TFDP2: variants seen among roughly 807,000 people sequenced by gnomAD.
TFDP2 encodes transcription factor Dp-2 (E2F dimerization partner 2).
TFDP2 carries 17 observed loss-of-function variants against 59.3 expected under a neutral mutation model. The observed-to-expected ratio is 0.29, with a 90% CI of 0.20 to 0.43. The LOEUF (loss-of-function observed/expected upper bound fraction) is 0.43, where lower values mean the gene tolerates loss of function less well. Among genes scored for constraint, TFDP2 ranks in the 20% least tolerant of loss-of-function variants. TFDP2 has a pLI of 1.00. For missense variants in TFDP2, 391 were observed against 528.8 expected, an observed-to-expected ratio of 0.74 and a Z score of 2.56; for synonymous variants, 180 against 194.7, an observed-to-expected ratio of 0.92 and a Z score of 0.63.
At chr3:142,053,758 CAT>C (rs763870746) in intron 3 of TFDP2, among the ~76,000 whole-genome samples, 6 of 152,158 alleles carry the variant, frequency 3.9e-5, no homozygotes, top group Admixed American at 6.5e-5. Flanking sequence ...GCAAAATACA[CAT>C]GTGATAAAGG....
chr3:142,099,588 T>A (rs1210717375), intron 2 of TFDP2, among the ~76,000 whole-genome samples: 2 of 151,466 alleles, frequency 1.3e-5, no homozygotes, highest in East Asian at 3.9e-4. Context: ...TAATCCCAGC[T>A]ACTTGGGAGG....
chr3:142,019,834 C>T (rs1051029783), intron 3 of TFDP2, among the ~76,000 whole-genome samples: 1 of 152,154 alleles, frequency 6.6e-6, no homozygotes, highest in Admixed American at 6.5e-5. Flanking sequence ...TTATTTGGGT[C>T]AATTTATTGA....
chr3:142,072,648 A>C (rs554013205), intron 3 of TFDP2, among the ~76,000 whole-genome samples: 2 of 152,324 alleles, frequency 1.3e-5, no homozygotes, highest in East Asian at 3.9e-4. Flanking sequence ...AAAAACAAAC[A>C]CAATGACTAG....
At chr3:142,067,384 G>A (rs1166550464) in intron 3 of TFDP2, among the ~76,000 whole-genome samples, 1 of 151,246 alleles carries the variant, frequency 6.6e-6, no homozygotes, top group African/African-American at 2.4e-5. Flanking sequence ...CACCAAAAAT[G>A]AAATACTTAG....
chr3:141,988,074 T>C (rs1360388891), intron 6 of TFDP2, among the ~76,000 whole-genome samples: 2 of 150,492 alleles, frequency 1.3e-5, no homozygotes, highest in African/African-American at 5.0e-5. Context: ...GCTTCCCAAA[T>C]AGCTGGGACT....
chr3:142,003,792 T>C (rs1259024129), intron 4 of TFDP2, among the ~76,000 whole-genome samples: 5 of 151,156 alleles, frequency 3.3e-5, no homozygotes, highest in African/African-American at 9.7e-5. Flanking sequence ...CACACATCAC[T>C]ACTTATTATT....
chr3:142,128,672 G>A (rs1240779765), intron 1 of TFDP2, among the ~76,000 whole-genome samples: 1 of 151,686 alleles, frequency 6.6e-6, no homozygotes, highest in East Asian at 1.9e-4. Flanking sequence ...AAAGAAAAAA[G>A]AGAAGGAAGG....
chr3:141,977,202 AG>A (rs1940820591), intron 7 of TFDP2, among the ~76,000 whole-genome samples: 1 of 148,232 alleles, frequency 6.7e-6, no homozygotes, highest in South Asian at 2.1e-4. Context: ...CCTGGGCTCA[AG>A]CAATCCTCCT....
chr3:142,061,258 A>G (rs2059906867), intron 3 of TFDP2, among the ~76,000 whole-genome samples: 1 of 152,212 alleles, frequency 6.6e-6, no homozygotes, highest in Non-Finnish European at 1.5e-5. Flanking sequence ...ATTTACAACC[A>G]AAAATATAGG....
At chr3:142,060,965 C>T (rs983676027) in intron 3 of TFDP2, among the ~76,000 whole-genome samples, 7 of 152,056 alleles carry the variant, frequency 4.6e-5, no homozygotes, top group African/African-American at 1.2e-4. Context: ...CATATGAGAA[C>T]GTCTTTAATT....
At chr3:141,959,174 T>G (rs1191879459) in intron 11 of TFDP2, among the ~76,000 whole-genome samples, 1 of 152,058 alleles carries the variant, frequency 6.6e-6, no homozygotes, top group African/African-American at 2.4e-5. Context: ...CAGGCTGGTC[T>G]CGAACTCCCG....
chr3:142,101,356 CAAAAAAAA>C (rs529718660), intron 2 of TFDP2, among the ~76,000 whole-genome samples: 1 of 85,964 alleles, frequency 1.2e-5, no homozygotes, highest in East Asian at 3.4e-4. Context: ...CCTGAGTAAC[CAAAAAAAA>C]AAAAAAAAAA....
chr3:142,086,448 G>T (rs2060813762), intron 3 of TFDP2, among the ~76,000 whole-genome samples: 1 of 152,192 alleles, frequency 6.6e-6, no homozygotes, highest in Admixed American at 6.5e-5. Context: ...CCCTACTCAG[G>T]TTCGATTAAT....
chr3:141,970,552 G>A lies in TFDP2; in HGVS notation c.664-411C>T, dbSNP rs567097170. ...GTCCTGTTGTTATCCACTTTGCATCGAAGGGAACGGAGGCATAGAGGGCTT... is the reference window on the plus strand; with the variant it reads ...GTCCTGTTGTTATCCACTTTGCATCAAAGGGAACGGAGGCATAGAGGGCTT... On this transcript the variant is annotated intron_variant, in intron 8 of 12. Coordinates refer to ENST00000489671, the MANE Select transcript of TFDP2 (RefSeq NM_001178139.2). Among the ~76,000 whole-genome samples the A allele has an allele frequency of 2.1e-4, 32 of 152,248 alleles. 2 individuals carry two copies. The highest frequency in any genetic ancestry group is 4.8e-5 in the African/African-American group (2 of 41,548).
At chr3:142,078,578 T>C (rs2060539661) in intron 3 of TFDP2, among the ~76,000 whole-genome samples, 1 of 152,196 alleles carries the variant, frequency 6.6e-6, no homozygotes, top group Non-Finnish European at 1.5e-5. Context: ...ATTACTGGGT[T>C]TAAGGTACCC....
intron 1 of TFDP2, among the ~76,000 whole-genome samples, chr3:142,119,542 C>A (rs114403140): frequency 0.083 from 12,641 of 152,184 alleles, 647 homozygotes; most frequent in Middle Eastern, 0.14. Context: ...GCAATTCCTA[C>A]AAAAATTAAA....
intron 3 of TFDP2, among the ~76,000 whole-genome samples, chr3:142,078,505 C>T (rs347679): frequency 0.44 from 66,582 of 152,064 alleles, 16,655 homozygotes; most frequent in East Asian, 0.71. Context: ...AACCAGAAAA[C>T]TCTCCCAGTT....
At chr3:142,115,613 C>T (rs1272105185) in intron 1 of TFDP2, among the ~76,000 whole-genome samples, 3 of 152,162 alleles carry the variant, frequency 2.0e-5, no homozygotes, top group African/African-American at 7.2e-5. Flanking sequence ...CCACCGCGCC[C>T]GGCCCATTCC....
At chr3:142,002,322 T>G (rs1250537495) in intron 4 of TFDP2, among the ~76,000 whole-genome samples, 8 of 147,174 alleles carry the variant, frequency 5.4e-5, no homozygotes, top group East Asian at 2.0e-4. Flanking sequence ...TTAGTGTTTT[T>G]TTTTTTTTTT....
Sources: allele counts gnomAD v4.1 joint callset (sites outside exome capture counted in the v4.1 genomes callset), GRCh38; gene constraint gnomAD v4.1.1; transcripts MANE v1.5; gene names NCBI Gene and HGNC (gene_info 2026-07-23, HGNC 2026-07-21).